The following ATRN variants were observed in gnomAD, a reference collection of about 807,000 sequenced individuals.
ATRN encodes the protein attractin.
Under a neutral mutation model 178.7 loss-of-function variants are expected in ATRN, and 54 were observed. The ratio of observed to expected loss-of-function variants is 0.30; its 90% CI spans 0.24 to 0.38. The LOEUF is 0.38. ATRN is among the 10% of genes least tolerant of loss of function. The probability of loss-of-function intolerance (pLI) is 1.00; values close to 1 mark genes in which losing one functional copy is unlikely to be tolerated. For missense variants in ATRN, 1,443 were observed against 1,815.1 expected, an observed-to-expected ratio of 0.79 and a Z score of 3.73; for synonymous variants, 636 against 663.0, an observed-to-expected ratio of 0.96 and a Z score of 0.63.
In ATRN at chr20:3,530,389, G is replaced by A. The variant is rs74180392; in HGVS notation, c.411-4864G>A. The stretch of plus-strand genomic sequence containing the variant: ...AGCGATTCTCCTCCCTCAGCCTCCC[G>A]AGTAGCTGGGATTATAGGCACTTGC... On this transcript the variant is annotated intron_variant, in intron 1 of 28. Coordinates refer to ENST00000262919, the MANE Select transcript of ATRN (RefSeq NM_139321.3). Among the ~76,000 whole-genome samples the A allele has an allele frequency of 9.5e-3, 1,421 of 150,334 alleles. 12 individuals are homozygous for A. The highest frequency in any genetic ancestry group is 0.012 in the Non-Finnish European group (820 of 67,600).
chr20:3,586,140 C>T (rs551462299), intron 18 of ATRN, among the ~76,000 whole-genome samples: 14 of 152,236 alleles, frequency 9.2e-5, no homozygotes, highest in African/African-American at 3.4e-4. Context: ...GCATCATGCT[C>T]AAAGCAACAT....
At chr20:3,546,389 G>GTT (rs559052230) in intron 4 of ATRN, among the ~76,000 whole-genome samples, 3,815 of 113,440 alleles carry the variant, frequency 0.034, 169 homozygotes, top group Admixed American at 0.056. Context: ...TAGTTCAACT[G>GTT]TTTTTTTTTT....
chr20:3,528,770 T>C (rs550415845), intron 1 of ATRN, among the ~76,000 whole-genome samples: 2 of 152,228 alleles, frequency 1.3e-5, no homozygotes, highest in South Asian at 4.2e-4. Flanking sequence ...CAAAATAATA[T>C]GTGCAGATGA....
At chr20:3,531,675 A>G (rs925408590) in intron 1 of ATRN, among the ~76,000 whole-genome samples, 1 of 152,232 alleles carries the variant, frequency 6.6e-6, no homozygotes, top group Non-Finnish European at 1.5e-5. Context: ...AAAATAATTT[A>G]AGAGAACCAT....
At chr20:3,561,032 A>G (rs1021039966) in intron 8 of ATRN, 127 bp downstream of exon 8, 8 of 1,274,298 alleles carry the variant, frequency 6.3e-6, no homozygotes, top group African/African-American at 1.5e-5. Context: ...AACATAGTAA[A>G]CACTGGGCCC....
At chr20:3,496,024 A>G (rs1006876625) in intron 1 of ATRN, among the ~76,000 whole-genome samples, 4 of 152,156 alleles carry the variant, frequency 2.6e-5, no homozygotes, top group African/African-American at 2.4e-5. Flanking sequence ...ATGCTTTACC[A>G]TATTATAAAA....
At chr20:3,535,869 A>G (rs2085524784) in intron 2 of ATRN, among the ~76,000 whole-genome samples, 1 of 152,038 alleles carries the variant, frequency 6.6e-6, no homozygotes, top group Non-Finnish European at 1.5e-5. Context: ...ACCTCAAGTG[A>G]TCCGCTCGCC....
intron 1 of ATRN, among the ~76,000 whole-genome samples, chr20:3,524,933 A>G (rs1484191773): frequency 6.6e-6 from 1 of 152,204 alleles, no homozygotes; most frequent in Non-Finnish European, 1.5e-5. Context: ...TTATAGCACT[A>G]AATGCCCACA....
At chr20:3,593,558 C>T (rs145520373) in intron 19 of ATRN, among the ~76,000 whole-genome samples, 1 of 152,232 alleles carries the variant, frequency 6.6e-6, no homozygotes, top group Non-Finnish European at 1.5e-5. Context: ...GGCAGATGGA[C>T]GTAAGGCCTT....
At chr20:3,554,460 C>G (rs940414659) in intron 6 of ATRN, among the ~76,000 whole-genome samples, 2 of 151,836 alleles carry the variant, frequency 1.3e-5, no homozygotes, top group African/African-American at 4.8e-5. Flanking sequence ...CTCAGCCTCC[C>G]GAGTAGCTGG....
chr20:3,550,709 G>A (rs1463966845), intron 6 of ATRN, among the ~76,000 whole-genome samples: 1 of 152,162 alleles, frequency 6.6e-6, no homozygotes. Flanking sequence ...CTGTTTGCCA[G>A]CCCTAGGAGT....
rs766842847 is a variant in ATRN, at chr20:3,594,450, T to C, written c.3323-29T>C. The C allele has an allele frequency of 1.9e-6, 3 of 1,564,270 alleles. No individual in the cohort carries two copies. In the African/African-American group the frequency reaches 4.1e-5, roughly 21 times the overall value. ...TAGTCAGAATTTTTTAAGCCAGTTG[T>C]GACCTCTGTTCCTTTTTCTTCTCTG... On this transcript the variant is annotated intron_variant, in intron 19 of 28. Coordinates refer to ENST00000262919, the MANE Select transcript of ATRN (RefSeq NM_139321.3).
At chr20:3,525,397 G>T (rs1478527363) in intron 1 of ATRN, among the ~76,000 whole-genome samples, 1 of 152,150 alleles carries the variant, frequency 6.6e-6, no homozygotes, top group Non-Finnish European at 1.5e-5. Context: ...TGAAATTGAG[G>T]CAGTAATTGA....
intron 28 of ATRN, 130 bp from the exon 29 acceptor site, chr20:3,646,593 T>G (rs2087109438): frequency 1.1e-5 from 14 of 1,297,024 alleles, no homozygotes; most frequent in Admixed American, 5.9e-5. Context: ...TTTTTGGGGG[T>G]TTTTTGTTCT....
intron 1 of ATRN, among the ~76,000 whole-genome samples, chr20:3,493,938 A>G (rs746793268): frequency 4.6e-5 from 7 of 152,192 alleles, no homozygotes; most frequent in East Asian, 1.9e-4. Context: ...ATGAATATCT[A>G]TGATGTTTTA....
chr20:3,477,165 A>C lies in ATRN; in HGVS notation c.410+5648A>C, dbSNP rs559081049. 4.9e-4 allele frequency among the ~76,000 whole-genome samples: 53 copies of C among 108,372 alleles called. 2 individuals carry two copies. In the South Asian group the frequency reaches 0.012, roughly 25 times the overall value. The allele number at this position is 108,372 out of a possible 152,430, so 71.1% of individuals were successfully genotyped here. On this transcript the variant is annotated intron_variant, in intron 1 of 28. Transcript: ENST00000262919. ...AGGCTGATCTGCTTTCCCCAGTGCA[A>C]TGTAAGTTCCATGAGGGCAGGGGCC...
At chr20:3,548,745 C>CA (rs1443089119) in intron 5 of ATRN, among the ~76,000 whole-genome samples, 1 of 152,082 alleles carries the variant, frequency 6.6e-6, no homozygotes, top group Non-Finnish European at 1.5e-5. Context: ...AGGTTATATG[C>CA]AAGTGTTACA....
intron 19 of ATRN, among the ~76,000 whole-genome samples, chr20:3,593,281 G>A (rs1252094719): frequency 1.3e-5 from 2 of 152,160 alleles, no homozygotes; most frequent in East Asian, 1.9e-4. Flanking sequence ...GGTAGAAAGC[G>A]TGGTGTTTAT....
At chr20:3,491,038 T>C (rs2084785996) in intron 1 of ATRN, 3 of 1,104,094 alleles carry the variant, frequency 2.7e-6, no homozygotes, top group Middle Eastern at 2.9e-4. Context: ...TTAAAAATTT[T>C]ATGATTAGTT....
Sources: allele counts gnomAD v4.1 joint callset (sites outside exome capture counted in the v4.1 genomes callset), GRCh38; gene constraint gnomAD v4.1.1; transcripts MANE v1.5; gene names NCBI Gene and HGNC (gene_info 2026-07-23, HGNC 2026-07-21).